Variants in ADGRA3 observed in about 807,000 individuals in gnomAD.
ADGRA3 encodes the protein G-protein coupled receptor 125.
Under a neutral mutation model 119.8 loss-of-function variants are expected in ADGRA3, and 56 were observed. That is an observed-to-expected ratio of 0.47 (90% CI 0.38 to 0.58). The LOEUF is 0.58. Among genes scored for constraint, ADGRA3 ranks in the 20% least tolerant of loss-of-function variants. ADGRA3 has a pLI of 0.00. For synonymous variants in ADGRA3, 607 were observed against 623.8 expected (o/e 0.97, Z 0.40); for missense variants, 1,516 against 1,649.0 (o/e 0.92, Z 1.40).
At chr4:22,474,500 T>C (rs565676839) in intron 1 of ADGRA3, among the ~76,000 whole-genome samples, 8 of 152,318 alleles carry the variant, frequency 5.3e-5, no homozygotes, top group Non-Finnish European at 5.9e-5. Flanking sequence ...CGGACTTGCC[T>C]GAGAAGAGAC....
intron 1 of ADGRA3, among the ~76,000 whole-genome samples, chr4:22,482,084 G>T (rs966666843): frequency 2.0e-5 from 3 of 152,006 alleles, no homozygotes; most frequent in African/African-American, 7.2e-5. Flanking sequence ...ATTCATTTTT[G>T]CAGAAAATAA....
intron 14 of ADGRA3, among the ~76,000 whole-genome samples, chr4:22,406,273 C>T (rs1714921419): frequency 6.6e-6 from 1 of 152,160 alleles, no homozygotes; most frequent in African/African-American, 2.4e-5. Context: ...GTGAATAGTG[C>T]TGCAGTAAAT....
At chr4:22,430,928 C>CT (rs1272732132) in intron 10 of ADGRA3, among the ~76,000 whole-genome samples, 1 of 152,186 alleles carries the variant, frequency 6.6e-6, no homozygotes, top group Non-Finnish European at 1.5e-5. Flanking sequence ...CAAGGTACAG[C>CT]TTGGGCTGCT....
chr4:22,509,435 G>A (rs1331012611), intron 1 of ADGRA3, among the ~76,000 whole-genome samples: 1 of 151,180 alleles, frequency 6.6e-6, no homozygotes, highest in Non-Finnish European at 1.5e-5. Flanking sequence ...CCTGGGAGGC[G>A]GAGGCTGCAG....
chr4:22,392,302 C>G (rs1714164859), intron 17 of ADGRA3, among the ~76,000 whole-genome samples: 1 of 152,166 alleles, frequency 6.6e-6, no homozygotes, highest in Admixed American at 6.5e-5. Context: ...TTATTCCTCA[C>G]AACTCGAGGA....
intron 3 of ADGRA3, among the ~76,000 whole-genome samples, chr4:22,458,206 A>C (rs974175745): frequency 6.6e-6 from 1 of 152,110 alleles, no homozygotes; most frequent in African/African-American, 2.4e-5. Context: ...CTACTTGAGG[A>C]CTCATGTTCC....
At chr4:22,415,278 T>C (rs1181950790) in intron 12 of ADGRA3, among the ~76,000 whole-genome samples, 2 of 152,166 alleles carry the variant, frequency 1.3e-5, no homozygotes, top group Non-Finnish European at 2.9e-5. Context: ...CTTAAGCAAA[T>C]GATTGACTTT....
At chr4:22,423,192 C>T (rs1282258143) in intron 11 of ADGRA3, among the ~76,000 whole-genome samples, 2 of 151,504 alleles carry the variant, frequency 1.3e-5, no homozygotes, top group Non-Finnish European at 1.5e-5. Context: ...AAAACTCCAT[C>T]CCCCCAAAAA....
chr4:22,439,691 C>CA (rs1175014872), intron 7 of ADGRA3, among the ~76,000 whole-genome samples: 2 of 151,970 alleles, frequency 1.3e-5, no homozygotes, highest in East Asian at 1.9e-4. Context: ...TAGAGTGACA[C>CA]AAAAAAGAGT....
chr4:22,454,791 A>C (rs182864669), intron 4 of ADGRA3, 75 bp downstream of exon 4: 2 of 1,070,868 alleles, frequency 1.9e-6, no homozygotes, highest in Admixed American at 1.7e-5. Context: ...AATTAAATAC[A>C]TAAGTTTCAT....
chr4:22,436,355 T>TAAAAA, intron 9 of ADGRA3, 85 bp downstream of exon 9: 7 of 857,094 alleles, frequency 8.2e-6, no homozygotes, highest in Non-Finnish European at 1.1e-5. Context: ...TGCCTAGTAT[T>TAAAAA]AAAAAAAAAA....
rs967130948 is a variant in ADGRA3, at chr4:22,513,759, G to A, written c.257+1769C>T. Among the ~76,000 whole-genome samples, 7 of 139,752 alleles carry A rather than the reference G, an allele frequency of 5.0e-5. No individual in the cohort carries two copies. The Middle Eastern group carries it at 0.014, about 275-fold the overall frequency. 91.7% of individuals were successfully genotyped at this position (139,752 alleles called of 152,430 possible). A position where few individuals can be genotyped will look rare whatever the true frequency, so the allele number is the denominator to read the frequency against. On this transcript the variant is annotated intron_variant, in intron 1 of 18. Transcript: ENST00000334304. ...ACTCCTGACCTCAAGGGATCCACCC[G>A]CTTTGACCTCACAAAGCCCTGGGAT... is the stretch of plus-strand genomic sequence containing the variant.
chr4:22,413,346 G>C lies in ADGRA3; in HGVS notation c.2068C>G (p.Leu690Val). ...TCTGCTCCATGTGCAATTCGACGCA[G>C]TGTCACATTAACAGGGATGTGGTGG... ...DTHHIPVNVTLRRIAHGADAV... is the reference protein window; with the variant it reads ...DTHHIPVNVTVRRIAHGADAV... The change falls in exon 14 of 19, where the codon CTG (leucine) becomes GTG (valine). Residue 690 changes from leucine (L) to valine (V), a missense_variant. Physicochemically the swap from Leu to Val is conservative, Grantham distance 32. This residue lies in a region of ADGRA3 where 1,088 missense variants were observed against 1,107.1 expected (regional missense o/e 0.98). Transcript: ENST00000334304. 2 of 1,614,118 alleles carry C rather than the reference G, an allele frequency of 1.2e-6. No individual in the cohort carries two copies.
At position 22,388,176 on chromosome 4, in the gene ADGRA3, AT is replaced by A. The variant is rs752733441; in HGVS notation, c.3494del (p.Asn1165MetfsTer23). ...TTTTATGGTGGCGGCTTGAGTGCAC[AT>A]TTGTTCGAAACTGAACTTCTAAAGG... is the stretch of plus-strand genomic sequence containing the variant. ...VAPLEVQFRT[N>X]VHSSRHHKNR... On this transcript the variant is annotated frameshift_variant, in exon 19 of 19. Transcript: ENST00000334304. LOFTEE classifies it low-confidence loss of function (END_TRUNC). The A allele has an allele frequency of 6.2e-7, 1 of 1,613,840 alleles. No homozygotes were observed. The highest frequency in any genetic ancestry group is 8.5e-7 in the Non-Finnish European group (1 of 1,179,976).
intron 1 of ADGRA3, among the ~76,000 whole-genome samples, chr4:22,492,614 T>C (rs1718667339): frequency 6.6e-6 from 1 of 151,976 alleles, no homozygotes; most frequent in Non-Finnish European, 1.5e-5. Flanking sequence ...TGGAGAAAAA[T>C]AACATAAGAA....
At chr4:22,503,548 CT>C (rs1177636397) in intron 1 of ADGRA3, among the ~76,000 whole-genome samples, 1 of 152,170 alleles carries the variant, frequency 6.6e-6, no homozygotes, top group African/African-American at 2.4e-5. Flanking sequence ...GCACAACCTG[CT>C]TTCTACTATT....
intron 2 of ADGRA3, 28 bp from the exon 3 acceptor site, chr4:22,461,836 A>T: frequency 7.3e-7 from 1 of 1,375,648 alleles, no homozygotes; most frequent in African/African-American, 1.4e-5. Context: ...AAAGTTATTC[A>T]CATATCAACA....
chr4:22,451,723 A>G (rs1221397668), intron 4 of ADGRA3, among the ~76,000 whole-genome samples: 1 of 152,178 alleles, frequency 6.6e-6, no homozygotes, highest in Non-Finnish European at 1.5e-5. Flanking sequence ...CCCTTAGCCA[A>G]GGAAGTTTGA....
At position 22,515,574 on chromosome 4, in the gene ADGRA3, C is replaced by T. The variant is rs752216538; in HGVS notation, c.211G>A (p.Ala71Thr). 2 of 1,602,812 alleles carry T rather than the reference C, an allele frequency of 1.2e-6. No individual in the cohort carries two copies. Among genetic ancestry groups the T allele is most frequent in the Non-Finnish European group, 1.7e-6 (2 of 1,175,014 alleles). ...AGAGTATCTGGGGGCAGGACCTGCG[C>T]GAGTTCCAGGCTGCTGCACACCACC... ...GKVVCSSLEL[A>T]QVLPPDTLPN... Residue 71 changes from alanine to threonine, a missense_variant, in exon 1 of 19, where the codon GCG becomes ACG. Ala to Thr is a moderately conservative substitution (Grantham distance 58). Around this residue, in one of 2 missense-constraint regions of ADGRA3, gnomAD observed 428 missense variants for 541.9 expected, o/e 0.79. Transcript: ENST00000334304.
Sources: gnomAD v4.1 joint callset for allele counts (sites outside exome capture counted in the v4.1 genomes callset) on GRCh38, gnomAD v4.1.1 for gene constraint, gnomAD v4.1.1 regional missense constraint, MANE v1.5 for transcripts, NCBI Gene and HGNC (gene_info 2026-07-23, HGNC 2026-07-21) for gene names.